LRBA: variants seen among roughly 807,000 people sequenced by gnomAD.
LRBA encodes LPS responsive beige-like anchor protein.
Under a neutral mutation model 330.0 loss-of-function variants are expected in LRBA, and 176 were observed. That is an observed-to-expected ratio of 0.53 (90% CI 0.47 to 0.60). LRBA has a LOEUF of 0.60. LRBA is among the 20% of genes least tolerant of loss of function. LRBA has a pLI of 0.00. For missense variants in LRBA, 3,259 were observed against 3,444.8 expected (o/e 0.95, Z 1.35); for synonymous variants, 1,230 against 1,193.0 (o/e 1.03, Z -0.64).
chr4:150,658,569 C>G (rs1359504737), intron 37 of LRBA, among the ~76,000 whole-genome samples: 6 of 164 alleles, frequency 0.037, 2 homozygotes, highest in African/African-American at 0.21. Flanking sequence ...CTCTCCCTCT[C>G]CCTCTCCCTC....
intron 47 of LRBA, among the ~76,000 whole-genome samples, chr4:150,372,089 A>G (rs1288808272): frequency 6.6e-6 from 1 of 152,038 alleles, no homozygotes; most frequent in Non-Finnish European, 1.5e-5. Flanking sequence ...CTCTTATTCT[A>G]TCAGTTAATT....
chr4:150,751,473 T>C (rs1019992666), intron 35 of LRBA, among the ~76,000 whole-genome samples: 7 of 152,088 alleles, frequency 4.6e-5, no homozygotes, highest in Admixed American at 1.3e-4. Context: ...ATTTTTCTTA[T>C]CTATATGCCT....
intron 40 of LRBA, among the ~76,000 whole-genome samples, chr4:150,495,506 A>AT (rs1759483241): frequency 6.6e-6 from 1 of 152,204 alleles, no homozygotes; most frequent in Non-Finnish European, 1.5e-5. Flanking sequence ...GGGTCAAAAA[A>AT]TTTGAGATTT....
At chr4:150,569,942 C>T (rs1769628984) in intron 40 of LRBA, among the ~76,000 whole-genome samples, 1 of 152,094 alleles carries the variant, frequency 6.6e-6, no homozygotes, top group Non-Finnish European at 1.5e-5. Flanking sequence ...CATTAAATCG[C>T]ACACCAGAAG....
intron 40 of LRBA, among the ~76,000 whole-genome samples, chr4:150,545,346 T>C (rs1581633983): frequency 6.6e-6 from 1 of 152,210 alleles, no homozygotes; most frequent in African/African-American, 2.4e-5. Context: ...TATTCTAAGA[T>C]ATTGTTGCTA....
In LRBA at chr4:150,817,144, T is replaced by G; in HGVS notation, c.5285A>C (p.Asp1762Ala). 6.2e-7 allele frequency: 1 copy of G among 1,612,020 alleles called. No individual in the cohort carries two copies. Among genetic ancestry groups the G allele is most frequent in the Non-Finnish European group, 8.5e-7 (1 of 1,178,560 alleles). The change falls in exon 31 of 57, where the codon GAT becomes GCT. Residue 1762 changes from aspartate (D) to alanine (A), a missense_variant. Coordinates refer to ENST00000651943, the MANE Select transcript of LRBA (RefSeq NM_001364905.1). ...VSSVDSAQAS[D>A]MGGESPGSRS... Reference sequence around the variant, plus strand: ...CTCACCTGGTGATTCTCCTCCCATATCTGAGGCTTGGGCTGAATCTACTGA... The same window carrying G: ...CTCACCTGGTGATTCTCCTCCCATAGCTGAGGCTTGGGCTGAATCTACTGA...
intron 48 of LRBA, among the ~76,000 whole-genome samples, chr4:150,334,509 TA>T (rs960463670): frequency 1.3e-5 from 2 of 152,136 alleles, no homozygotes; most frequent in African/African-American, 2.4e-5. Context: ...TGTGTATATA[TA>T]TATAACACAC....
At chr4:150,328,613 A>C (rs1478225884) in intron 48 of LRBA, among the ~76,000 whole-genome samples, 3 of 152,142 alleles carry the variant, frequency 2.0e-5, no homozygotes, top group African/African-American at 7.2e-5. Flanking sequence ...GTTTGAAACT[A>C]TACTCGTTAA....
intron 53 of LRBA, among the ~76,000 whole-genome samples, chr4:150,297,409 A>T (rs1412266413): frequency 1.3e-5 from 2 of 152,226 alleles, no homozygotes; most frequent in Non-Finnish European, 2.9e-5. Flanking sequence ...GACCTTCTGG[A>T]GAATTTCATA....
At chr4:151,002,391 AC>A (rs201569637) in intron 2 of LRBA, among the ~76,000 whole-genome samples, 21 of 149,258 alleles carry the variant, frequency 1.4e-4, no homozygotes, top group East Asian at 1.4e-3. Flanking sequence ...AAATGATGAA[AC>A]CCCCCCCACT....
chr4:150,517,023 A>C (rs540665597), intron 40 of LRBA, among the ~76,000 whole-genome samples: 72 of 152,314 alleles, frequency 4.7e-4, no homozygotes, highest in African/African-American at 1.7e-3. Flanking sequence ...TCAGTCATTT[A>C]AAAGAATGAA....
intron 17 of LRBA, among the ~76,000 whole-genome samples, chr4:150,885,050 A>C (rs529524881): frequency 6.6e-6 from 1 of 152,220 alleles, no homozygotes; most frequent in Admixed American, 6.5e-5. Context: ...CAGGAGACTC[A>C]GATGGCAAAT....
intron 53 of LRBA, among the ~76,000 whole-genome samples, chr4:150,302,384 T>G (rs1310864101): frequency 6.6e-6 from 1 of 152,220 alleles, no homozygotes; most frequent in Non-Finnish European, 1.5e-5. Context: ...AATGAAGAAC[T>G]AGAATTTTTG....
chr4:150,955,615 G>A (rs1737461751), intron 2 of LRBA, among the ~76,000 whole-genome samples: 1 of 148,026 alleles, frequency 6.8e-6, no homozygotes, highest in African/African-American at 2.7e-5. Flanking sequence ...ACGTAGGCCG[G>A]GCGCCGTGGC....
At chr4:150,776,445 A>G (rs1215854545) in intron 34 of LRBA, among the ~76,000 whole-genome samples, 1 of 152,216 alleles carries the variant, frequency 6.6e-6, no homozygotes, top group Non-Finnish European at 1.5e-5. Context: ...AGAGGCAGAG[A>G]ACTATTGTTT....
chr4:150,526,334 G>A (rs1332310558), intron 40 of LRBA, among the ~76,000 whole-genome samples: 1 of 152,164 alleles, frequency 6.6e-6, no homozygotes, highest in Non-Finnish European at 1.5e-5. Flanking sequence ...AGACTTTGAA[G>A]GTTACATCCC....
At chr4:150,815,383 T>C (rs924228048) in intron 31 of LRBA, among the ~76,000 whole-genome samples, 1 of 150,676 alleles carries the variant, frequency 6.6e-6, no homozygotes, top group Non-Finnish European at 1.5e-5. Flanking sequence ...CAGAGTATAA[T>C]GGAACAATAA....
At chr4:150,577,915 T>C (rs2126321928) in intron 40 of LRBA, among the ~76,000 whole-genome samples, 1 of 152,330 alleles carries the variant, frequency 6.6e-6, no homozygotes, top group Admixed American at 6.5e-5. Flanking sequence ...AGCCATTAGT[T>C]TGGTTTGGCT....
intron 44 of LRBA, among the ~76,000 whole-genome samples, chr4:150,453,166 A>C (rs1753602996): frequency 6.6e-6 from 1 of 152,164 alleles, no homozygotes; most frequent in Non-Finnish European, 1.5e-5. Flanking sequence ...AAAATCTAGA[A>C]GGCTTTTTAA....
Sources: allele counts gnomAD v4.1 joint callset (sites outside exome capture counted in the v4.1 genomes callset), GRCh38; gene constraint gnomAD v4.1.1; transcripts MANE v1.5; gene names NCBI Gene and HGNC (gene_info 2026-07-23, HGNC 2026-07-21).